The following NXPE2 variants were observed in gnomAD, a reference collection of about 807,000 sequenced individuals.
NXPE2 encodes the protein neurexophilin and PC-esterase domain family member 2, also known as NXPE family member 2.
NXPE2 carries 34 observed loss-of-function variants against 34.4 expected under a neutral mutation model. The observed-to-expected ratio is 0.99, with a 90% confidence interval of 0.75 to 1.31. NXPE2 has a LOEUF of 1.31. Ranked by LOEUF, NXPE2 falls within the 40% of genes most tolerant of loss-of-function variation. The pLI is 0.00. For synonymous variants in NXPE2, 235 were observed against 231.3 expected, an observed-to-expected ratio of 1.02 and a Z score of -0.15; for missense variants, 649 against 672.5, an observed-to-expected ratio of 0.97 and a Z score of 0.39.
chr11:114,774,550 C>A, the NXPE2 span, among the ~76,000 whole-genome samples: 4 of 152,152 alleles, frequency 2.6e-5, no homozygotes, highest in East Asian at 7.7e-4. Flanking sequence ...CGGAGGAGGG[C>A]TCCTTACATT....
At chr11:114,522,510 A>G in the NXPE2 span, 2 of 1,570,212 alleles carry the variant, frequency 1.3e-6, no homozygotes, top group Non-Finnish European at 1.7e-6. Flanking sequence ...AGTGCTGATA[A>G]AAAAACAAAT....
chr11:114,551,504 C>T, the NXPE2 span: 1 of 724,914 alleles, frequency 1.4e-6, no homozygotes, highest in Middle Eastern at 5.7e-4. Context: ...TTCTTAGTTA[C>T]AAGACATAAC....
At chr11:114,747,536 T>C in the NXPE2 span, among the ~76,000 whole-genome samples, 1 of 152,326 alleles carries the variant, frequency 6.6e-6, no homozygotes, top group Admixed American at 6.5e-5. Context: ...CAGGTCTGCA[T>C]GGCTGGGGAA....
the NXPE2 span, among the ~76,000 whole-genome samples, chr11:114,554,619 T>C: frequency 6.6e-6 from 1 of 152,194 alleles, no homozygotes; most frequent in Non-Finnish European, 1.5e-5. Context: ...AGCAGCCAGG[T>C]CTTATATTTA....
At chr11:114,608,144 G>C in the NXPE2 span, among the ~76,000 whole-genome samples, 4 of 151,762 alleles carry the variant, frequency 2.6e-5, no homozygotes, top group Non-Finnish European at 5.9e-5. Context: ...TGCCTCATGG[G>C]TAACCAGAGT....
the NXPE2 span, among the ~76,000 whole-genome samples, chr11:114,759,085 T>C: frequency 6.9e-6 from 1 of 144,004 alleles, no homozygotes; most frequent in South Asian, 2.3e-4. Flanking sequence ...CGCACATGCG[T>C]ACACATGCGC....
chr11:114,614,213 T>C, the NXPE2 span, among the ~76,000 whole-genome samples: 1 of 151,790 alleles, frequency 6.6e-6, no homozygotes, highest in Non-Finnish European at 1.5e-5. Flanking sequence ...TGTTAATGGA[T>C]AATAAGTGTT....
the NXPE2 span, among the ~76,000 whole-genome samples, chr11:114,779,408 AC>A: frequency 6.7e-6 from 1 of 149,026 alleles, no homozygotes; most frequent in South Asian, 2.1e-4. Flanking sequence ...GAAGGGGTTG[AC>A]TGGGGTGGCT....
the NXPE2 span, among the ~76,000 whole-genome samples, chr11:114,622,718 G>C: frequency 1.3e-5 from 2 of 150,440 alleles, no homozygotes; most frequent in South Asian, 2.1e-4. Context: ...TGGATAATAC[G>C]TGTTCCCTCG....
the NXPE2 span, among the ~76,000 whole-genome samples, chr11:114,715,105 G>C: frequency 6.6e-6 from 1 of 152,162 alleles, no homozygotes; most frequent in Admixed American, 6.5e-5. Context: ...CACTGGTTGA[G>C]GATAGATTAT....
At chr11:114,527,706 C>A in the NXPE2 span, 1 of 552,532 alleles carries the variant, frequency 1.8e-6, no homozygotes, top group African/African-American at 1.9e-5. Context: ...TTCATTTCTC[C>A]CTTTAAAGTC....
At chr11:114,710,520 A>T (rs1859592691), downstream of NXPE2, among the ~76,000 whole-genome samples, 2 of 152,186 alleles carry the variant, frequency 1.3e-5, no homozygotes, top group South Asian at 4.1e-4. Flanking sequence ...ATAGAAACAT[A>T]CAACCTACGA....
At chr11:114,577,045 TTATATA>T in the NXPE2 span, among the ~76,000 whole-genome samples, 7 of 25,838 alleles carry the variant, frequency 2.7e-4, no homozygotes, top group African/African-American at 1.3e-3. Context: ...ATATATAAAG[TTATATA>T]TATATACATA....
chr11:114,613,448 C>A, the NXPE2 span, among the ~76,000 whole-genome samples: 4 of 151,708 alleles, frequency 2.6e-5, no homozygotes, highest in African/African-American at 9.7e-5. Context: ...TCTTGTGTAA[C>A]CACTGTTACC....
the NXPE2 span, among the ~76,000 whole-genome samples, chr11:114,602,869 T>G: frequency 6.8e-6 from 1 of 147,820 alleles, no homozygotes; most frequent in Non-Finnish European, 1.5e-5. Flanking sequence ...ATCTCATATA[T>G]AATTATAGAA....
chr11:114,796,323 A>G, the NXPE2 span, among the ~76,000 whole-genome samples: 1 of 152,192 alleles, frequency 6.6e-6, no homozygotes, highest in Non-Finnish European at 1.5e-5. Flanking sequence ...TCAGTCCTTG[A>G]AGAATTTTTT....
chr11:114,772,216 T>C, the NXPE2 span, among the ~76,000 whole-genome samples: 10 of 151,998 alleles, frequency 6.6e-5, no homozygotes, highest in Non-Finnish European at 1.5e-4. Flanking sequence ...GATAACTAAG[T>C]AGAAAACAAA....
At chr11:114,564,607 G>A in the NXPE2 span, among the ~76,000 whole-genome samples, 13 of 152,104 alleles carry the variant, frequency 8.5e-5, no homozygotes, top group Non-Finnish European at 1.6e-4. Flanking sequence ...GGGGGTGGTT[G>A]AGTATGCCTA....
chr11:114,659,002 A>G, the NXPE2 span, among the ~76,000 whole-genome samples: 1 of 152,168 alleles, frequency 6.6e-6, no homozygotes, highest in Non-Finnish European at 1.5e-5. Flanking sequence ...TGAAATAGGA[A>G]CACTGAGAAA....
Sources: gnomAD v4.1 joint callset for allele counts (sites outside exome capture counted in the v4.1 genomes callset) on GRCh38, gnomAD v4.1.1 for gene constraint, MANE v1.5 for transcripts, NCBI Gene and HGNC (gene_info 2026-07-23, HGNC 2026-07-21) for gene names.